CCSER1: variants seen among roughly 807,000 people sequenced by gnomAD.
CCSER1 encodes coiled-coil serine rich protein 1.
In CCSER1, 41 loss-of-function variants were observed where a neutral mutation model predicts 82.0. The observed-to-expected ratio is 0.50, with a 90% CI of 0.39 to 0.65. The LOEUF is 0.65. Ranked by LOEUF, CCSER1 falls within the 30% of genes least tolerant of loss-of-function variation. CCSER1 has a pLI of 0.00. For synonymous variants in CCSER1, 414 were observed against 383.9 expected (o/e 1.08, Z -0.92); for missense variants, 1,119 against 1,064.2 (o/e 1.05, Z -0.72).
chr4:90,846,025 G>T (rs981832613), intron 8 of CCSER1, among the ~76,000 whole-genome samples: 8 of 152,194 alleles, frequency 5.3e-5, no homozygotes, highest in African/African-American at 1.9e-4. Flanking sequence ...AAGGAAAGTA[G>T]CTTTGTCTAA....
Position 90,390,047 on chromosome 4 carries a change from C to A in CCSER1, c.1510-9989C>A, listed in dbSNP as rs539588425. Among the ~76,000 whole-genome samples, 6 of 152,056 alleles carry A rather than the reference C, an allele frequency of 3.9e-5. No homozygotes were observed. The South Asian group carries it at 1.2e-3, about 32-fold the overall frequency. On this transcript the variant is annotated intron_variant, in intron 3 of 10. Transcript: ENST00000509176. The stretch of plus-strand genomic sequence containing the variant: ...ATATATTACCTTGTGTTTACTCTAC[C>A]GGCATTTGAGAAAAGGGGATACACT...
chr4:90,999,879 G>GTT (rs33987640), intron 9 of CCSER1, among the ~76,000 whole-genome samples: 1 of 137,510 alleles, frequency 7.3e-6, no homozygotes, highest in Non-Finnish European at 1.5e-5. Flanking sequence ...TGTTTCTGAG[G>GTT]TTTTTTTTTT....
intron 10 of CCSER1, among the ~76,000 whole-genome samples, chr4:91,335,761 G>T (rs1747277743): frequency 1.3e-5 from 2 of 151,946 alleles, no homozygotes; most frequent in Non-Finnish European, 1.5e-5. Context: ...GAAAATGGTG[G>T]CCATTTCTTT....
At chr4:90,158,205 C>CA (rs1048143508) in intron 1 of CCSER1, among the ~76,000 whole-genome samples, 8 of 152,282 alleles carry the variant, frequency 5.3e-5, no homozygotes, top group African/African-American at 1.9e-4. Context: ...TCGTGAACCG[C>CA]AAATGCTGCT....
chr4:90,656,196 C>G (rs1340543173), intron 6 of CCSER1, among the ~76,000 whole-genome samples: 1 of 151,870 alleles, frequency 6.6e-6, no homozygotes. Context: ...TCTAAATGCT[C>G]TCAATAAAAG....
intron 3 of CCSER1, among the ~76,000 whole-genome samples, chr4:90,391,479 T>TAC (rs1751086215): frequency 1.1e-5 from 1 of 88,038 alleles, no homozygotes; most frequent in Admixed American, 1.1e-4. Context: ...TATATATATA[T>TAC]ATATATACAC....
rs116364952 is a variant in CCSER1 at position 90,323,042 on chromosome 4, T to C, written c.1509+9995T>C. On this transcript the variant is annotated intron_variant, in intron 3 of 10. Transcript: ENST00000509176. The stretch of plus-strand genomic sequence containing the variant: ...GTTCCCTTCTAGCCCAGGCTGGGTC[T>C]AGAAATGCCATCCAGGCGCTGGGGT... Among the ~76,000 whole-genome samples, 593 of 152,352 alleles carry C rather than the reference T, an allele frequency of 3.9e-3. 8 individuals are homozygous for C. Among genetic ancestry groups the C allele is most frequent in the African/African-American group, 0.014 (574 of 41,584 alleles).
intron 6 of CCSER1, among the ~76,000 whole-genome samples, chr4:90,703,914 T>G (rs1368925635): frequency 6.6e-6 from 1 of 152,174 alleles, no homozygotes; most frequent in African/African-American, 2.4e-5. Context: ...TGATGGGTCT[T>G]TACTCTTTAT....
At chr4:90,651,087 TAGAG>T (rs539019789) in intron 6 of CCSER1, among the ~76,000 whole-genome samples, 9 of 152,322 alleles carry the variant, frequency 5.9e-5, no homozygotes, top group South Asian at 4.1e-4. Flanking sequence ...TTACTACAGA[TAGAG>T]AGAAAGAGAA....
intron 10 of CCSER1, among the ~76,000 whole-genome samples, chr4:91,365,397 A>G (rs533063793): frequency 5.9e-5 from 9 of 152,310 alleles, no homozygotes; most frequent in Non-Finnish European, 1.2e-4. Flanking sequence ...AACTTGAAAT[A>G]TTACTTTCAA....
chr4:90,276,231 TTTCTTTCTTTCTTTCTTTCTTTCC>T (rs755311408), intron 1 of CCSER1, among the ~76,000 whole-genome samples: 13 of 105,844 alleles, frequency 1.2e-4, no homozygotes, highest in Admixed American at 2.1e-4. Flanking sequence ...TCTTTCTTTC[TTTCTTTCTTTCTTTCTTTCTTTCC>T]TTCCTTCCTT....
At chr4:91,323,156 A>G (rs1466909456) in intron 10 of CCSER1, among the ~76,000 whole-genome samples, 1 of 152,250 alleles carries the variant, frequency 6.6e-6, no homozygotes, top group East Asian at 1.9e-4. Flanking sequence ...ATACCCAACC[A>G]GGCTGGAAGG....
At chr4:90,288,043 AC>A (rs1472250398) in intron 1 of CCSER1, among the ~76,000 whole-genome samples, 1 of 151,870 alleles carries the variant, frequency 6.6e-6, no homozygotes, top group Non-Finnish European at 1.5e-5. Flanking sequence ...TACTAGTGTT[AC>A]CCACAAGATT....
At chr4:91,553,946 T>C (rs1286562690) in intron 10 of CCSER1, among the ~76,000 whole-genome samples, 2 of 151,122 alleles carry the variant, frequency 1.3e-5, no homozygotes, top group Non-Finnish European at 3.0e-5. Flanking sequence ...TCAGCTTGGT[T>C]TTTTCTTTTT....
At chr4:91,420,068 TAAATG>T (rs1753604421) in intron 10 of CCSER1, among the ~76,000 whole-genome samples, 1 of 152,084 alleles carries the variant, frequency 6.6e-6, no homozygotes, top group South Asian at 2.1e-4. Context: ...ATTAAATACT[TAAATG>T]AAAGATCTGA....
chr4:91,485,147 G>A (rs1162506135), intron 10 of CCSER1, among the ~76,000 whole-genome samples: 1 of 151,600 alleles, frequency 6.6e-6, no homozygotes, highest in African/African-American at 2.4e-5. Flanking sequence ...CATTTCTTTG[G>A]TATGAAACAG....
At chr4:91,568,804 A>AT (rs111893188) in intron 10 of CCSER1, among the ~76,000 whole-genome samples, 10,441 of 151,286 alleles carry the variant, frequency 0.069, 388 homozygotes, top group Middle Eastern at 0.099. Context: ...AATCTTGATG[A>AT]TTTTTTTTTC....
chr4:91,542,910 C>T (rs1761681828), intron 10 of CCSER1, among the ~76,000 whole-genome samples: 1 of 152,082 alleles, frequency 6.6e-6, no homozygotes, highest in Non-Finnish European at 1.5e-5. Context: ...GTGTTAAAGT[C>T]TCCCATTATT....
intron 8 of CCSER1, among the ~76,000 whole-genome samples, chr4:90,889,391 C>T (rs753469133): frequency 5.9e-5 from 9 of 152,104 alleles, no homozygotes; most frequent in South Asian, 2.1e-4. Flanking sequence ...CTTCTCCCCA[C>T]GCAAGTTAAG....
Sources: allele counts gnomAD v4.1 joint callset (sites outside exome capture counted in the v4.1 genomes callset), GRCh38; gene constraint gnomAD v4.1.1; transcripts MANE v1.5; gene names NCBI Gene and HGNC (gene_info 2026-07-23, HGNC 2026-07-21).